Variants in PKHD1 observed in about 807,000 individuals in gnomAD.
PKHD1 encodes the protein fibrocystin.
A neutral mutation model predicts 412.0 loss-of-function variants in PKHD1; 291 were observed. The ratio of observed to expected loss-of-function variants is 0.71; its 90% CI spans 0.64 to 0.78. PKHD1 has a LOEUF of 0.78. Among genes scored for constraint, PKHD1 ranks in the 30% least tolerant of loss-of-function variants. The pLI, the probability that PKHD1 is intolerant of heterozygous loss-of-function variation, is 0.00. For synonymous variants in PKHD1, 1,777 were observed against 1,821.5 expected (o/e 0.98, Z 0.62); for missense variants, 4,825 against 4,950.7 (o/e 0.97, Z 0.76).
chr6:51,680,962 C>A (rs17740574), intron 60 of PKHD1, among the ~76,000 whole-genome samples: 2 of 151,806 alleles, frequency 1.3e-5, no homozygotes, highest in Non-Finnish European at 2.9e-5. Context: ...AGTTAAAAAT[C>A]GGTTGGTTGT....
rs187891841 is a variant in PKHD1 at position 51,645,731 on chromosome 6, G to T, written c.11398+2300C>A. ...TTCAAGTCACATTTGAAATCACAAA[G>T]AATTTATAAATTATTTCTCATCTAA... is the stretch of plus-strand genomic sequence containing the variant. On this transcript the variant is annotated intron_variant, in intron 63 of 66. Transcript: ENST00000371117. Among the ~76,000 whole-genome samples the T allele has an allele frequency of 2.4e-3, 369 of 152,256 alleles. 4 individuals carry two copies. The highest frequency in any genetic ancestry group is 0.012 in the South Asian group (58 of 4,822).
Position 52,046,152 on chromosome 6 carries a change from T to C in PKHD1, c.2444A>G (p.Gln815Arg), listed in dbSNP as rs145789167. 350 of 1,613,648 alleles carry C rather than the reference T, an allele frequency of 2.2e-4. No individual in the cohort carries two copies. The highest frequency in any genetic ancestry group is 2.8e-4 in the Non-Finnish European group (330 of 1,179,672). The change falls in exon 24 of 67, where the codon CAG (glutamine) becomes CGG (arginine). Residue 815 changes from glutamine to arginine, a missense_variant. Physicochemically the swap from Gln to Arg is conservative, Grantham distance 43. Transcript: ENST00000371117. ...GTCATCGGCATTATTCTGTAAGAGCTGGTGAAGGTGATGAGCAGAAATTTG... is the reference window on the plus strand; with the variant it reads ...GTCATCGGCATTATTCTGTAAGAGCCGGTGAAGGTGATGAGCAGAAATTTG... ...PVQISAHHLH[Q>R]LLQNNADDFT...
chr6:51,963,981 G>A (rs1792445420), intron 35 of PKHD1, among the ~76,000 whole-genome samples: 1 of 151,948 alleles, frequency 6.6e-6, no homozygotes, highest in Non-Finnish European at 1.5e-5. Flanking sequence ...GGCATATGGG[G>A]GCAGCCGTGA....
intron 60 of PKHD1, among the ~76,000 whole-genome samples, chr6:51,705,290 A>C (rs1340686961): frequency 6.6e-6 from 1 of 152,086 alleles, no homozygotes; most frequent in Non-Finnish European, 1.5e-5. Context: ...AGAGATCATA[A>C]AGTAAGGACA....
At chr6:51,761,970 T>C (rs1169715816) in intron 55 of PKHD1, among the ~76,000 whole-genome samples, 1 of 152,042 alleles carries the variant, frequency 6.6e-6, no homozygotes, top group Non-Finnish European at 1.5e-5. Context: ...GACTCTTCTC[T>C]TTCTCTTTTC....
In PKHD1 at chr6:51,923,415, C is replaced by A. The variant is rs989865129; in HGVS notation, c.6121+10695G>T. ...CCTACACAAATGGGTGTGGCTGTGC[C>A]TCAATAAAATTTTGTGTATAAAAGC... On this transcript the variant is annotated intron_variant, in intron 37 of 66. Coordinates refer to ENST00000371117, the MANE Select transcript of PKHD1 (RefSeq NM_138694.4). Among the ~76,000 whole-genome samples, 3 of 151,282 alleles carry A rather than the reference C, an allele frequency of 2.0e-5. No homozygotes were observed. In the South Asian group the frequency reaches 6.3e-4, roughly 32 times the overall value.
At chr6:51,756,023 A>T (rs1018625138) in intron 55 of PKHD1, among the ~76,000 whole-genome samples, 4 of 152,208 alleles carry the variant, frequency 2.6e-5, no homozygotes, top group Non-Finnish European at 5.9e-5. Context: ...AATATATAGT[A>T]TTAAGCCCCT....
At chr6:51,765,598 A>G (rs1032514820) in intron 55 of PKHD1, among the ~76,000 whole-genome samples, 5 of 151,994 alleles carry the variant, frequency 3.3e-5, no homozygotes, top group Admixed American at 1.3e-4. Flanking sequence ...CTGTCCATTC[A>G]ATCTAAAATG....
At chr6:52,064,410 C>G (rs894841861) in intron 13 of PKHD1, among the ~76,000 whole-genome samples, 1 of 152,228 alleles carries the variant, frequency 6.6e-6, no homozygotes, top group Non-Finnish European at 1.5e-5. Context: ...CTTGCCTCCT[C>G]CATTTCTGCC....
chr6:51,764,305 A>G (rs1175690413), intron 55 of PKHD1, among the ~76,000 whole-genome samples: 1 of 149,598 alleles, frequency 6.7e-6, no homozygotes, highest in Non-Finnish European at 1.5e-5. Context: ...CAAAAAACAC[A>G]TGAAAAAATG....
intron 43 of PKHD1, among the ~76,000 whole-genome samples, chr6:51,891,317 T>C (rs1052493112): frequency 6.6e-6 from 1 of 152,180 alleles, no homozygotes; most frequent in Non-Finnish European, 1.5e-5. Context: ...TTCACTCTTG[T>C]TGCCCAGGCT....
chr6:51,791,831 C>A (rs77832207), intron 52 of PKHD1, among the ~76,000 whole-genome samples: 17 of 152,136 alleles, frequency 1.1e-4, no homozygotes, highest in African/African-American at 3.9e-4. Context: ...CTCTGTGCCT[C>A]GGTTATCTCA....
Position 51,619,368 on chromosome 6 carries a change from G to T in PKHD1, c.11938C>A (p.His3980Asn). The T allele has an allele frequency of 6.2e-7, 1 of 1,614,078 alleles. No homozygotes were observed. The highest frequency in any genetic ancestry group is 8.5e-7 in the Non-Finnish European group (1 of 1,179,918). Residue 3980 changes from histidine (H) to asparagine (N), a missense_variant, in exon 67 of 67, where the codon CAC becomes AAC. By Grantham distance (68) the His-to-Asn change is moderately conservative. Coordinates refer to ENST00000371117, the MANE Select transcript of PKHD1 (RefSeq NM_138694.4). Reference sequence around the variant, plus strand: ...GCAGGAGCACCTGGAGCACAGATGTGCCCATGGGATGTGATGCCAGTAGTA... The same window carrying T: ...GCAGGAGCACCTGGAGCACAGATGTTCCCATGGGATGTGATGCCAGTAGTA... ...PGTTGITSHG[H>N]ICAPGAPAQQ... is the part of the protein sequence containing the mutation.
chr6:51,764,083 A>C, intron 55 of PKHD1, among the ~76,000 whole-genome samples: 1 of 146,582 alleles, frequency 6.8e-6, no homozygotes. Flanking sequence ...TATATCTCCC[A>C]ATGCTATCCC....
rs1321519034 is a variant in PKHD1 at position 52,025,887 on chromosome 6, C to T, written c.3923G>A (p.Gly1308Glu). The T allele has an allele frequency of 3.7e-6, 6 of 1,614,024 alleles. No individual in the cohort carries two copies. The highest frequency in any genetic ancestry group is 5.1e-6 in the Non-Finnish European group (6 of 1,180,050). The change falls in exon 32 of 67, where the codon GGA becomes GAA. Residue 1308 changes from glycine (G) to glutamate (E), a missense_variant. Coordinates refer to ENST00000371117, the MANE Select transcript of PKHD1 (RefSeq NM_138694.4). The part of the protein sequence containing the change: ...AATPVVTAMQ[G>E]EITNSSLSLH... ...GCTCAGGCTGCTATTTGTGATTTCT[C>T]CTTGCATGGCAGTGACTACTGGTGT...
chr6:51,664,337 AG>A (rs1460566567), intron 60 of PKHD1, among the ~76,000 whole-genome samples: 1 of 152,146 alleles, frequency 6.6e-6, no homozygotes, highest in East Asian at 1.9e-4. Flanking sequence ...AAGGAGACAG[AG>A]GGAGAAAAGG....
chr6:51,798,115 G>A (rs141046399), intron 52 of PKHD1, among the ~76,000 whole-genome samples: 315 of 152,114 alleles, frequency 2.1e-3, no homozygotes, highest in African/African-American at 5.5e-3. Flanking sequence ...GCAGTGGCTC[G>A]TGCCTGTAAT....
chr6:52,033,423 G>A (rs1803394912), intron 28 of PKHD1, among the ~76,000 whole-genome samples: 1 of 152,050 alleles, frequency 6.6e-6, no homozygotes, highest in African/African-American at 2.4e-5. Context: ...ATAATGACAT[G>A]CTGTAAGGGG....
intron 60 of PKHD1, among the ~76,000 whole-genome samples, chr6:51,686,453 A>C (rs994783317): frequency 6.6e-6 from 1 of 152,072 alleles, no homozygotes; most frequent in Non-Finnish European, 1.5e-5. Context: ...CTTTTCTCCC[A>C]GGTGTTCCTG....
Sources: gnomAD v4.1 joint callset for allele counts (sites outside exome capture counted in the v4.1 genomes callset) on GRCh38, gnomAD v4.1.1 for gene constraint, MANE v1.5 for transcripts, NCBI Gene and HGNC (gene_info 2026-07-23, HGNC 2026-07-21) for gene names.